HS3ST4: variants seen among roughly 807,000 people sequenced by gnomAD.
The protein encoded by HS3ST4 is heparan sulfate glucosamine 3-O-sulfotransferase 4.
In HS3ST4, 17 loss-of-function variants were observed where a neutral mutation model predicts 29.2. The ratio of observed to expected loss-of-function variants is 0.58; its 90% CI spans 0.40 to 0.87. The LOEUF (loss-of-function observed/expected upper bound fraction) is 0.87, where lower values mean the gene tolerates loss of function less well. Among genes scored for constraint, HS3ST4 ranks in the 40% least tolerant of loss-of-function variants. The pLI is 0.00. For missense variants in HS3ST4, 627 were observed against 634.5 expected (o/e 0.99, Z 0.13); for synonymous variants, 314 against 285.7 (o/e 1.10, Z -1.00).
intron 1 of HS3ST4, among the ~76,000 whole-genome samples, chr16:26,124,871 C>G (rs930890632): frequency 3.9e-5 from 6 of 152,226 alleles, no homozygotes; most frequent in Non-Finnish European, 7.3e-5. Context: ...AGCCAACCTG[C>G]TGTAGAGGTG....
intron 1 of HS3ST4, among the ~76,000 whole-genome samples, chr16:26,061,430 T>C (rs1898475131): frequency 6.6e-6 from 1 of 152,216 alleles, no homozygotes; most frequent in African/African-American, 2.4e-5. Flanking sequence ...CCACATCTCT[T>C]CTTTCTTCAA....
At chr16:26,105,429 T>C (rs1899041002) in intron 1 of HS3ST4, among the ~76,000 whole-genome samples, 1 of 152,172 alleles carries the variant, frequency 6.6e-6, no homozygotes, top group Non-Finnish European at 1.5e-5. Flanking sequence ...TTATTCATAC[T>C]CCAAACTTTA....
chr16:26,035,629 C>T (rs1256178761), intron 1 of HS3ST4, among the ~76,000 whole-genome samples: 2 of 152,206 alleles, frequency 1.3e-5, no homozygotes, highest in East Asian at 3.8e-4. Flanking sequence ...TTGAGTCTGT[C>T]TACTTCTCTT....
At chr16:25,930,791 C>T (rs1968454888) in intron 1 of HS3ST4, among the ~76,000 whole-genome samples, 1 of 152,184 alleles carries the variant, frequency 6.6e-6, no homozygotes, top group African/African-American at 2.4e-5. Context: ...AATGAGATGA[C>T]TTCTTTTCCA....
chr16:25,914,249 ATG>A (rs1968269708), intron 1 of HS3ST4, among the ~76,000 whole-genome samples: 1 of 133,070 alleles, frequency 7.5e-6, no homozygotes, highest in African/African-American at 2.8e-5. Flanking sequence ...GATGTGGTAT[ATG>A]TGTGTGTGCA....
At chr16:25,978,680 T>G (rs540875665) in intron 1 of HS3ST4, among the ~76,000 whole-genome samples, 1 of 152,362 alleles carries the variant, frequency 6.6e-6, no homozygotes, top group African/African-American at 2.4e-5. Flanking sequence ...GTCTTCTTTA[T>G]GAACACTCAG....
intron 1 of HS3ST4, among the ~76,000 whole-genome samples, chr16:25,720,124 G>A (rs888730253): frequency 3.3e-5 from 5 of 152,196 alleles, no homozygotes; most frequent in Admixed American, 6.5e-5. Context: ...AATGTAGTTA[G>A]GGGAGGCTTG....
At chr16:25,935,238 G>A (rs1017094720) in intron 1 of HS3ST4, among the ~76,000 whole-genome samples, 7 of 152,146 alleles carry the variant, frequency 4.6e-5, no homozygotes, top group Admixed American at 6.5e-5. Context: ...GTGTGAAAAC[G>A]GACTAATACA....
At chr16:25,807,903 G>T (rs1032458637) in intron 1 of HS3ST4, among the ~76,000 whole-genome samples, 5 of 152,112 alleles carry the variant, frequency 3.3e-5, no homozygotes, top group African/African-American at 9.7e-5. Flanking sequence ...GGCTAATGCG[G>T]TTGAACATCT....
At chr16:25,864,624 A>G (rs1252906089) in intron 1 of HS3ST4, among the ~76,000 whole-genome samples, 1 of 152,052 alleles carries the variant, frequency 6.6e-6, no homozygotes, top group Non-Finnish European at 1.5e-5. Context: ...AAAATTCCAC[A>G]TATAAGGGAG....
At chr16:25,980,576 A>G (rs1405733046) in intron 1 of HS3ST4, among the ~76,000 whole-genome samples, 3 of 152,146 alleles carry the variant, frequency 2.0e-5, no homozygotes, top group African/African-American at 7.2e-5. Context: ...ATTTAGTAGA[A>G]TGGACAGAAC....
At chr16:25,920,837 C>G (rs1034627878) in intron 1 of HS3ST4, among the ~76,000 whole-genome samples, 1 of 152,014 alleles carries the variant, frequency 6.6e-6, no homozygotes, top group Non-Finnish European at 1.5e-5. Flanking sequence ...AGGCTGGTCT[C>G]GAACTCCTGA....
At chr16:25,962,027 GTTAC>G (rs1968800270) in intron 1 of HS3ST4, among the ~76,000 whole-genome samples, 2 of 152,236 alleles carry the variant, frequency 1.3e-5, no homozygotes, top group African/African-American at 4.8e-5. Flanking sequence ...AAGCTTATTG[GTTAC>G]TAATTCTCTT....
intron 1 of HS3ST4, among the ~76,000 whole-genome samples, chr16:25,765,785 T>G (rs1399052201): frequency 1.3e-5 from 2 of 152,076 alleles, no homozygotes; most frequent in Non-Finnish European, 2.9e-5. Flanking sequence ...CTATTTTCTT[T>G]GAGTCAGGTG....
chr16:25,992,943 C>A (rs1045667339), intron 1 of HS3ST4, among the ~76,000 whole-genome samples: 1 of 152,174 alleles, frequency 6.6e-6, no homozygotes, highest in Non-Finnish European at 1.5e-5. Context: ...TTCCTCTGTG[C>A]ACAGCTCTGC....
intron 1 of HS3ST4, among the ~76,000 whole-genome samples, chr16:25,768,025 T>C (rs1966832221): frequency 6.6e-6 from 1 of 152,052 alleles, no homozygotes. Flanking sequence ...ACTTAAAGCT[T>C]GAGCTTCCCA....
chr16:25,949,488 A>G (rs1233702837), intron 1 of HS3ST4, among the ~76,000 whole-genome samples: 2 of 152,130 alleles, frequency 1.3e-5, no homozygotes, highest in Admixed American at 6.5e-5. Context: ...CTTTTATGGC[A>G]TCTGTGTGTC....
At chr16:26,046,048 A>G (rs1466111541) in intron 1 of HS3ST4, among the ~76,000 whole-genome samples, 2 of 151,952 alleles carry the variant, frequency 1.3e-5, no homozygotes, top group African/African-American at 4.8e-5. Context: ...TATCTTCTCC[A>G]TAGGCATATT....
chr16:25,802,777 G>A (rs570393885), intron 1 of HS3ST4, among the ~76,000 whole-genome samples: 5 of 152,002 alleles, frequency 3.3e-5, no homozygotes, highest in South Asian at 2.1e-4. Context: ...GTTGTAAATC[G>A]TTTCCATCTG....
Sources: gnomAD v4.1 joint callset for allele counts (sites outside exome capture counted in the v4.1 genomes callset) on GRCh38, gnomAD v4.1.1 for gene constraint, MANE v1.5 for transcripts, NCBI Gene and HGNC (gene_info 2026-07-23, HGNC 2026-07-21) for gene names.